The following UGT1A9 variants were observed in gnomAD, a reference collection of about 807,000 sequenced individuals.
UGT1A9 encodes UDP-glucuronosyltransferase 1A9.
A neutral mutation model predicts 45.0 loss-of-function variants in UGT1A9; 35 were observed. That is an observed-to-expected ratio of 0.78 (90% CI 0.59 to 1.03). The LOEUF (loss-of-function observed/expected upper bound fraction) is 1.03. Among genes scored for constraint, UGT1A9 ranks in the 50% least tolerant of loss-of-function variants. The pLI, the probability that UGT1A9 is intolerant of heterozygous loss-of-function variation, is 0.00. For missense variants in UGT1A9, 687 were observed against 666.6 expected, an observed-to-expected ratio of 1.03 and a Z score of -0.34; for synonymous variants, 278 against 250.6, an observed-to-expected ratio of 1.11 and a Z score of -1.03.
intron 1 of UGT1A9, among the ~76,000 whole-genome samples, chr2:233,740,002 A>AAGTG (rs1284523350): frequency 6.6e-6 from 1 of 151,788 alleles, no homozygotes; most frequent in Admixed American, 6.5e-5. Context: ...TTGTCATACT[A>AAGTG]AGTGAGTTCT....
chr2:233,746,231 A>C, intron 1 of UGT1A9, among the ~76,000 whole-genome samples: 1 of 151,848 alleles, frequency 6.6e-6, no homozygotes, highest in Non-Finnish European at 1.5e-5. Context: ...AGATATGCAA[A>C]CTGCTAAAAG....
At chr2:233,680,119 C>T (rs746737055) in intron 1 of UGT1A9, among the ~76,000 whole-genome samples, 28 of 152,162 alleles carry the variant, frequency 1.8e-4, no homozygotes, top group African/African-American at 3.9e-4. Flanking sequence ...GCTCAATCTA[C>T]GGTACCTATC....
intron 4 of UGT1A9, chr2:233,771,145 C>T (rs1356050343): frequency 6.6e-6 from 1 of 152,246 alleles, no homozygotes; most frequent in Non-Finnish European, 1.5e-5. Context: ...AAACACCTCC[C>T]ACCAGGCCCC....
At chr2:233,699,908 A>G (rs1025007086) in intron 1 of UGT1A9, among the ~76,000 whole-genome samples, 2 of 152,222 alleles carry the variant, frequency 1.3e-5, no homozygotes, top group African/African-American at 4.8e-5. Flanking sequence ...AGTCAGTAGG[A>G]TATACGTAGA....
At chr2:233,766,708 C>G (rs538087868) in intron 1 of UGT1A9, among the ~76,000 whole-genome samples, 1 of 152,196 alleles carries the variant, frequency 6.6e-6, no homozygotes, top group East Asian at 1.9e-4. Context: ...GCTCTGTGTT[C>G]TCTAAGTGGA....
rs777238544 is a variant in UGT1A9, at chr2:233,768,345, A to G, written c.1201A>G (p.Met401Val). ...FGDQMDNAKRMETKGAGVTLN... is the reference protein window; with the variant it reads ...FGDQMDNAKRVETKGAGVTLN... ...TGATCAGATGGACAATGCAAAGCGC[A>G]TGGAGACTAAGGGAGCTGGAGTGAC... Residue 401 changes from methionine (M) to valine (V), a missense_variant, in exon 4 of 5, where the codon ATG (methionine) becomes GTG (valine). Coordinates refer to ENST00000354728, the MANE Select transcript of UGT1A9 (RefSeq NM_021027.3). 3 of 1,614,098 alleles carry G rather than the reference A, an allele frequency of 1.9e-6. No individual in the cohort carries two copies. Among genetic ancestry groups the G allele is most frequent in the Non-Finnish European group, 2.5e-6 (3 of 1,180,044 alleles).
chr2:233,713,335 C>T (rs770287319), intron 1 of UGT1A9: 88 of 1,614,020 alleles, frequency 5.5e-5, no homozygotes, highest in Non-Finnish European at 7.0e-5. Context: ...AGAAGAATGG[C>T]AATTATGAAC....
At chr2:233,731,784 G>T (rs186887277) in intron 1 of UGT1A9, among the ~76,000 whole-genome samples, 1 of 152,042 alleles carries the variant, frequency 6.6e-6, no homozygotes, top group Non-Finnish European at 1.5e-5. Context: ...ATTTATAATC[G>T]TTTGGGTATA....
chr2:233,760,386 C>A, intron 1 of UGT1A9: 1 of 1,614,180 alleles, frequency 6.2e-7, no homozygotes. Flanking sequence ...TACTGTTGAT[C>A]CCAGTGGATG....
rs28900383 is a variant in UGT1A9, at chr2:233,748,795, A to T, written c.856-18239A>T. Among the ~76,000 whole-genome samples the T allele has an allele frequency of 9.8e-3, 1,488 of 151,368 alleles. 50 individuals are homozygous for T. The highest frequency in any genetic ancestry group is 0.035 in the African/African-American group (1,419 of 40,884). ...ATTGGGTCTTCTACTTGGAATGCTGAAATTATCAAGAAATTGTGGAAGGGT... is the reference window on the plus strand; with the variant it reads ...ATTGGGTCTTCTACTTGGAATGCTGTAATTATCAAGAAATTGTGGAAGGGT... On this transcript the variant is annotated intron_variant, in intron 1 of 4. Transcript: ENST00000354728.
intron 1 of UGT1A9, chr2:233,747,921 G>C: frequency 6.2e-7 from 1 of 1,613,394 alleles, no homozygotes; most frequent in Non-Finnish European, 8.5e-7. Flanking sequence ...CCTTGCCTCT[G>C]AGCTTTTTCA....
intron 4 of UGT1A9, 68 bp from the exon 5 acceptor site, chr2:233,772,194 T>G (rs921300076): frequency 1.9e-6 from 3 of 1,602,000 alleles, no homozygotes; most frequent in African/African-American, 2.7e-5. Context: ...TAAGCAGCCA[T>G]GAGCATAAAG....
chr2:233,681,988 G>A, intron 1 of UGT1A9: 1 of 1,614,144 alleles, frequency 6.2e-7, no homozygotes, highest in Non-Finnish European at 8.5e-7. Context: ...TGTGTCTACT[G>A]CTGACCTGTG....
chr2:233,726,059 A>G (rs2077496716), intron 1 of UGT1A9, among the ~76,000 whole-genome samples: 1 of 152,080 alleles, frequency 6.6e-6, no homozygotes, highest in East Asian at 1.9e-4. Context: ...CCAGCTACTC[A>G]GGAGGCTGAG....
chr2:233,760,971 C>T (rs773436128), intron 1 of UGT1A9: 1 of 1,614,154 alleles, frequency 6.2e-7, no homozygotes, highest in South Asian at 1.1e-5. Context: ...TGGTTTATTC[C>T]CCGTATGCAA....
Position 233,757,333 on chromosome 2 carries a change from C to A in UGT1A9, c.856-9701C>A, listed in dbSNP as rs574658157. Among the ~76,000 whole-genome samples the A allele has an allele frequency of 8.6e-4, 129 of 150,728 alleles. 1 individual carries two copies. Among genetic ancestry groups the A allele is most frequent in the African/African-American group, 3.1e-3 (127 of 40,864 alleles). ...GGGGGCTGGGGCCCTGAAATGGGAC[C>A]ATGACAGCTGGGTCTGAGAGACAGT... On this transcript the variant is annotated intron_variant, in intron 1 of 4. Coordinates refer to ENST00000354728, the MANE Select transcript of UGT1A9 (RefSeq NM_021027.3).
In UGT1A9 at chr2:233,769,917, G is replaced by C. The variant is rs1699982353; in HGVS notation, c.1295+1478G>C. On this transcript the variant is annotated intron_variant, in intron 4 of 4. Transcript: ENST00000354728. The surrounding 1 kb of genome is among the most constrained non-coding windows in gnomAD (Gnocchi z 4.4). ...CTGAGCATCATGTGCCCAGAGCGTT[G>C]GGTGGTGTGGTCCCATTCCTTCCTT... 6.9e-6 allele frequency: 2 copies of C among 288,250 alleles called. No homozygotes were observed. The highest frequency in any genetic ancestry group is 1.3e-5 in the Non-Finnish European group (2 of 154,420). 17.9% of individuals were successfully genotyped at this position (288,250 alleles called of 1,614,324 possible). A position where few individuals can be genotyped will look rare whatever the true frequency, so the allele number is the denominator to read the frequency against.
At chr2:233,735,872 G>C (rs1314533195) in intron 1 of UGT1A9, among the ~76,000 whole-genome samples, 1 of 152,196 alleles carries the variant, frequency 6.6e-6, no homozygotes, top group Non-Finnish European at 1.5e-5. Context: ...TTTCTGCAGA[G>C]AGATCTGCTG....
chr2:233,755,320 T>A, intron 1 of UGT1A9: 1 of 508,264 alleles, frequency 2.0e-6, no homozygotes, highest in Non-Finnish European at 3.2e-6. Context: ...GCGGCAAGGC[T>A]GCCAGCACCC....
Sources: allele counts gnomAD v4.1 joint callset (sites outside exome capture counted in the v4.1 genomes callset), GRCh38; gene constraint gnomAD v4.1.1; non-coding constraint Gnocchi (gnomAD v3.1); transcripts MANE v1.5; gene names NCBI Gene and HGNC (gene_info 2026-07-23, HGNC 2026-07-21).